Variants in PDZD8 observed in about 807,000 individuals in gnomAD.
PDZD8 encodes PDZ domain containing 8.
In PDZD8, 14 loss-of-function variants were observed where a neutral mutation model predicts 85.8. The observed-to-expected ratio is 0.16, with a 90% CI of 0.11 to 0.26. The LOEUF (loss-of-function observed/expected upper bound fraction) is 0.26. Among genes scored for constraint, PDZD8 ranks in the 10% least tolerant of loss-of-function variants. The probability of loss-of-function intolerance (pLI) is 1.00; values close to 1 mark genes in which losing one functional copy is unlikely to be tolerated. For synonymous variants in PDZD8, 592 were observed against 568.6 expected (o/e 1.04, Z -0.59); for missense variants, 1,197 against 1,424.3 (o/e 0.84, Z 2.57).
At chr10:117,336,223 G>C (rs1844513295) in intron 2 of PDZD8, among the ~76,000 whole-genome samples, 1 of 152,102 alleles carries the variant, frequency 6.6e-6, no homozygotes, top group Non-Finnish European at 1.5e-5. Flanking sequence ...TCTACTTGTG[G>C]CATCATGTCA....
chr10:117,279,230 T>G lies in PDZD8; in HGVS notation c.*4038A>C, dbSNP rs1844544237. 1 of 152,234 alleles carries G rather than the reference T, an allele frequency of 6.6e-6. No homozygotes were observed. The highest frequency in any genetic ancestry group is 1.5e-5 in the Non-Finnish European group (1 of 68,038). 9.4% of individuals were successfully genotyped at this position (152,234 alleles called of 1,614,324 possible). A position where few individuals can be genotyped will look rare whatever the true frequency, so the allele number is the denominator to read the frequency against. The stretch of plus-strand genomic sequence containing the variant: ...GTTAGCAAGACTGGAAAGAGGTGTT[T>G]TTTTAAAATGTACATACCAGAACAA... On this transcript the variant is annotated 3_prime_UTR_variant, in exon 5 of 5. Coordinates refer to ENST00000334464, the MANE Select transcript of PDZD8 (RefSeq NM_173791.5).
At chr10:117,368,860 T>G (rs1282779561) in intron 1 of PDZD8, among the ~76,000 whole-genome samples, 17 of 133,518 alleles carry the variant, frequency 1.3e-4, no homozygotes, top group Admixed American at 2.2e-4. Context: ...TGTTTTTTTT[T>G]TTTTTTTTTT....
intron 1 of PDZD8, among the ~76,000 whole-genome samples, chr10:117,359,111 A>G (rs1423959228): frequency 5.9e-5 from 9 of 152,064 alleles, no homozygotes; most frequent in Non-Finnish European, 1.2e-4. Flanking sequence ...TAAGTGCAAG[A>G]GAACAAATTA....
intron 1 of PDZD8, among the ~76,000 whole-genome samples, chr10:117,357,815 A>G (rs2133873740): frequency 7.2e-6 from 1 of 139,200 alleles, no homozygotes; most frequent in South Asian, 2.3e-4. Flanking sequence ...AAAAAAAAAA[A>G]AAAAAAGGCC....
chr10:117,321,578 C>T (rs1264143078), intron 2 of PDZD8, among the ~76,000 whole-genome samples: 1 of 151,848 alleles, frequency 6.6e-6, no homozygotes, highest in African/African-American at 2.4e-5. Context: ...GGTTATACAG[C>T]CCTGTAAATT....
At chr10:117,326,675 C>G (rs1367489861) in intron 2 of PDZD8, among the ~76,000 whole-genome samples, 1 of 152,124 alleles carries the variant, frequency 6.6e-6, no homozygotes. Context: ...ACTGTTTGTT[C>G]AAATTGAACT....
At position 117,284,078 on chromosome 10, in the gene PDZD8, T is replaced by C. The variant is rs773135984; in HGVS notation, c.2655A>G (p.Leu885=). Residue 885 remains leucine (L), a synonymous_variant, in exon 5 of 5, where the codon CTA becomes CTG. Coordinates refer to ENST00000334464, the MANE Select transcript of PDZD8 (RefSeq NM_173791.5). ...VCHKKCQEKC[L]AETSVCGATD... ...TTGCTCCACAAACAGAAGTCTCAGC[T>C]AGACACTTTTCTTGACATTTTTTAT... 7 of 1,614,080 alleles carry C rather than the reference T, an allele frequency of 4.3e-6. No homozygotes were observed. Among genetic ancestry groups the C allele is most frequent in the Non-Finnish European group, 5.1e-6 (6 of 1,180,030 alleles).
intron 2 of PDZD8, among the ~76,000 whole-genome samples, chr10:117,324,702 T>C (rs1344852917): frequency 6.6e-6 from 1 of 152,224 alleles, no homozygotes; most frequent in Non-Finnish European, 1.5e-5. Flanking sequence ...AACCAAGATC[T>C]GGCAGAATAA....
intron 3 of PDZD8, among the ~76,000 whole-genome samples, chr10:117,308,291 T>G (rs1323444409): frequency 6.6e-6 from 1 of 152,040 alleles, no homozygotes; most frequent in African/African-American, 2.4e-5. Flanking sequence ...TATCTCATGA[T>G]TGAGGAGGAT....
chr10:117,306,723 C>G (rs1024163632), intron 3 of PDZD8, among the ~76,000 whole-genome samples: 1 of 151,752 alleles, frequency 6.6e-6, no homozygotes, highest in Non-Finnish European at 1.5e-5. Context: ...TAATTTCAAC[C>G]TTACAGAAAG....
At chr10:117,333,105 T>G (rs1345209463) in intron 2 of PDZD8, among the ~76,000 whole-genome samples, 1 of 85,902 alleles carries the variant, frequency 1.2e-5, no homozygotes, top group Non-Finnish European at 2.2e-5. Context: ...GACAGCAGAG[T>G]GGACTCTGTC....
Position 117,310,755 on chromosome 10 carries a change from T to C in PDZD8, c.1098+8117A>G, listed in dbSNP as rs1162633722. On this transcript the variant is annotated intron_variant, in intron 3 of 4. Coordinates refer to ENST00000334464, the MANE Select transcript of PDZD8 (RefSeq NM_173791.5). ...AAAACTGACATTTTCAAAAAGGCTT[T>C]ATTTGCTTTAATCTTTCTCTTCCTT... 2.6e-5 allele frequency among the ~76,000 whole-genome samples: 4 copies of C among 152,222 alleles called. No homozygotes were observed. In the East Asian group the frequency reaches 7.7e-4, roughly 29 times the overall value.
chr10:117,334,898 T>C (rs1413097774), intron 2 of PDZD8, among the ~76,000 whole-genome samples: 1 of 151,322 alleles, frequency 6.6e-6, no homozygotes, highest in Admixed American at 6.6e-5. Context: ...TCAGGGGACC[T>C]ATGGGAAAAT....
At chr10:117,298,788 A>G (rs1000235334) in intron 3 of PDZD8, among the ~76,000 whole-genome samples, 2 of 152,196 alleles carry the variant, frequency 1.3e-5, no homozygotes, top group African/African-American at 4.8e-5. Flanking sequence ...TTGTGACTAC[A>G]TATTGTTTAC....
intron 2 of PDZD8, among the ~76,000 whole-genome samples, chr10:117,332,108 G>C (rs1844428641): frequency 6.6e-6 from 1 of 152,168 alleles, no homozygotes; most frequent in East Asian, 1.9e-4. Flanking sequence ...TCATCTGGTA[G>C]AGTTATGCCT....
At chr10:117,332,370 G>T (rs1437754959) in intron 2 of PDZD8, among the ~76,000 whole-genome samples, 1 of 151,800 alleles carries the variant, frequency 6.6e-6, no homozygotes, top group African/African-American at 2.4e-5. Context: ...TCCATCCCTC[G>T]ATCTTTCTGA....
At chr10:117,294,337 A>AAAC (rs1843717841) in intron 3 of PDZD8, among the ~76,000 whole-genome samples, 1 of 84,808 alleles carries the variant, frequency 1.2e-5, no homozygotes, top group South Asian at 3.9e-4. Context: ...CAAAAAAAAA[A>AAAC]AAAAAAAACA....
Position 117,284,172 on chromosome 10 carries a change from C to A in PDZD8, c.2561G>T (p.Cys854Phe). 1 of 1,614,182 alleles carries A rather than the reference C, an allele frequency of 6.2e-7. No individual in the cohort carries two copies. Among genetic ancestry groups the A allele is most frequent in the Non-Finnish European group, 8.5e-7 (1 of 1,180,036 alleles). ...CCAAACTTTTTTCTTACAGTAGTCA[C>A]ACCATGTTGGGTTCTGGAACTGAGT... Reference protein sequence around the residue: ...QDTQFQNPTWCDYCKKKVWTK... With the variant: ...QDTQFQNPTWFDYCKKKVWTK... Residue 854 changes from cysteine (C) to phenylalanine (F), a missense_variant, in exon 5 of 5, where the codon TGT (cysteine) becomes TTT (phenylalanine). Cys to Phe is a radical substitution (Grantham distance 205). Transcript: ENST00000334464.
chr10:117,328,227 G>T (rs889676721), intron 2 of PDZD8, among the ~76,000 whole-genome samples: 28 of 152,270 alleles, frequency 1.8e-4, no homozygotes, highest in Admixed American at 3.3e-4. Flanking sequence ...ACAAGTTCCA[G>T]ATTTGGTTTC....
Sources: gnomAD v4.1 joint callset for allele counts (sites outside exome capture counted in the v4.1 genomes callset) on GRCh38, gnomAD v4.1.1 for gene constraint, MANE v1.5 for transcripts, NCBI Gene and HGNC (gene_info 2026-07-23, HGNC 2026-07-21) for gene names.